The following PCLO variants were observed in gnomAD, a reference collection of about 807,000 sequenced individuals.
PCLO encodes the protein protein piccolo.
PCLO carries 82 observed loss-of-function variants against 427.5 expected under a neutral mutation model. The observed-to-expected ratio is 0.19, with a 90% confidence interval of 0.16 to 0.23. The LOEUF (loss-of-function observed/expected upper bound fraction) is 0.23. PCLO is among the 10% of genes least tolerant of loss of function. The pLI is 1.00. For synonymous variants in PCLO, 2,357 were observed against 2,155.4 expected (o/e 1.09, Z -2.59); for missense variants, 6,239 against 6,115.9 (o/e 1.02, Z -0.67).
chr7:83,000,082 C>A (rs1787779085), intron 3 of PCLO, among the ~76,000 whole-genome samples: 1 of 149,164 alleles, frequency 6.7e-6, no homozygotes, highest in South Asian at 2.1e-4. Flanking sequence ...CCAACAAAAT[C>A]ATTAACTAGG....
At chr7:83,004,844 T>C (rs1293502117) in intron 3 of PCLO, among the ~76,000 whole-genome samples, 3 of 151,550 alleles carry the variant, frequency 2.0e-5, no homozygotes, top group African/African-American at 4.8e-5. Flanking sequence ...ACACATAACC[T>C]AATTTTAAAA....
Position 82,914,849 on chromosome 7 carries a change from T to C in PCLO, c.13137A>G (p.Gly4379=). 1 of 1,613,394 alleles carries C rather than the reference T, an allele frequency of 6.2e-7. No individual in the cohort carries two copies. Among genetic ancestry groups the C allele is most frequent in the Non-Finnish European group, 8.5e-7 (1 of 1,179,704 alleles). ...TGTCTGCAGATATTGGTGGCAGGGG[T>C]CCAGCTGCAGCCCTGGCCATTCCCA... is the stretch of plus-strand genomic sequence containing the variant. The part of the protein sequence containing the change: ...QPMGMARAAA[G]PLPPISADTR... Residue 4379 remains glycine (G), a synonymous_variant, in exon 7 of 25, where the codon GGA becomes GGG. Transcript: ENST00000333891.
intron 3 of PCLO, among the ~76,000 whole-genome samples, chr7:83,048,822 T>A (rs1333963320): frequency 6.6e-6 from 1 of 152,162 alleles, no homozygotes; most frequent in Non-Finnish European, 1.5e-5. Context: ...TATTCCTTTA[T>A]GTTTTTTCAA....
At chr7:83,062,651 C>T (rs1376058167) in intron 3 of PCLO, among the ~76,000 whole-genome samples, 1 of 152,116 alleles carries the variant, frequency 6.6e-6, no homozygotes, top group African/African-American at 2.4e-5. Context: ...CAATACCACC[C>T]TATTTAACAT....
chr7:83,024,194 T>C (rs962548770), intron 3 of PCLO, among the ~76,000 whole-genome samples: 2 of 152,152 alleles, frequency 1.3e-5, no homozygotes, highest in African/African-American at 2.4e-5. Flanking sequence ...TCTGAGGTAC[T>C]GGGTTCATCT....
rs547424249 is a variant in PCLO, at chr7:83,023,488, T to A, written c.3301-57001A>T. On this transcript the variant is annotated intron_variant, in intron 3 of 24. Coordinates refer to ENST00000333891, the MANE Select transcript of PCLO (RefSeq NM_033026.6). ...GTACATTGCCAAGTATATGACATTT[T>A]GATTGGGAATTAGAGAACCATCAAA... 8.4e-3 allele frequency among the ~76,000 whole-genome samples: 1,274 copies of A among 152,318 alleles called. 13 individuals carry two copies. Among genetic ancestry groups the A allele is most frequent in the African/African-American group, 0.029 (1,206 of 41,566 alleles).
rs1339261973 is a variant in PCLO, at chr7:82,892,456, C to T, written c.13528+10195G>A. On this transcript the variant is annotated intron_variant, in intron 9 of 24. Coordinates refer to ENST00000333891, the MANE Select transcript of PCLO (RefSeq NM_033026.6). ...ATGGATTAAAGACGTGCATGTTAGA[C>T]CTAAAACCATAATAATCCCAGCAGA... 7.2e-5 allele frequency among the ~76,000 whole-genome samples: 11 copies of T among 152,214 alleles called. No individual in the cohort carries two copies. The East Asian group carries it at 1.9e-3, about 27-fold the overall frequency.
At chr7:82,984,432 G>GTA (rs1796214622) in intron 3 of PCLO, among the ~76,000 whole-genome samples, 1 of 151,244 alleles carries the variant, frequency 6.6e-6, no homozygotes, top group African/African-American at 2.4e-5. Context: ...GTGTGTGTGT[G>GTA]TGTGTGTGTG....
intron 3 of PCLO, among the ~76,000 whole-genome samples, chr7:83,125,847 T>C (rs947358194): frequency 1.5e-4 from 22 of 150,338 alleles, no homozygotes; most frequent in African/African-American, 5.4e-4. Context: ...CCCTGCCAAA[T>C]CCCCCTCTCC....
chr7:83,069,741 C>T (rs1789758852), intron 3 of PCLO, among the ~76,000 whole-genome samples: 1 of 150,660 alleles, frequency 6.6e-6, no homozygotes, highest in Non-Finnish European at 1.5e-5. Flanking sequence ...TCTTTATATT[C>T]TTGGCTCTTC....
intron 6 of PCLO, among the ~76,000 whole-genome samples, chr7:82,928,396 C>T (rs371408349): frequency 3.9e-5 from 6 of 151,944 alleles, no homozygotes; most frequent in Non-Finnish European, 7.4e-5. Flanking sequence ...TAACAGTGTC[C>T]ATTCACTTCA....
At chr7:83,038,050 TC>T (rs1788863610) in intron 3 of PCLO, among the ~76,000 whole-genome samples, 2 of 42,506 alleles carry the variant, frequency 4.7e-5, no homozygotes, top group African/African-American at 1.9e-4. Flanking sequence ...TATATATATA[TC>T]TTTATATATA....
intron 3 of PCLO, among the ~76,000 whole-genome samples, chr7:83,094,459 G>A (rs766930297): frequency 1.3e-4 from 20 of 151,986 alleles, no homozygotes; most frequent in African/African-American, 3.1e-4. Flanking sequence ...CGCCTGCCTC[G>A]GCCTCCCAAA....
rs1404100856 is a variant in PCLO at position 82,955,026 on chromosome 7, C to T, written c.5927G>A (p.Arg1976Lys). ...CATAAATCCATTTTCTTCTTCTTGC[C>T]TTGTTAGCAGACTGCCATCTACCGA... ...NGSVDGSLLT[R>K]QEEENGFMQQ... The change falls in exon 5 of 25, where the codon AGG becomes AAG. Residue 1976 changes from arginine (R) to lysine (K), a missense_variant. By Grantham distance (26) the Arg-to-Lys change is conservative. Around this residue, in one of 5 missense-constraint regions of PCLO, gnomAD observed 4,677 missense variants for 4,468.4 expected, o/e 1.05. Coordinates refer to ENST00000333891, the MANE Select transcript of PCLO (RefSeq NM_033026.6). 1 of 1,613,756 alleles carries T rather than the reference C, an allele frequency of 6.2e-7. No homozygotes were observed. Among genetic ancestry groups the T allele is most frequent in the Admixed American group, 1.7e-5 (1 of 60,012 alleles).
intron 3 of PCLO, among the ~76,000 whole-genome samples, chr7:83,038,548 G>C (rs529580617): frequency 2.6e-5 from 4 of 151,794 alleles, no homozygotes; most frequent in African/African-American, 4.8e-5. Context: ...CTATGCTTTT[G>C]CTTGTGTAAG....
chr7:82,770,896 C>A (rs1048493151), intron 22 of PCLO, among the ~76,000 whole-genome samples: 1 of 151,798 alleles, frequency 6.6e-6, no homozygotes, highest in African/African-American at 2.4e-5. Flanking sequence ...TTTACAAAGG[C>A]TATATTAAAG....
chr7:83,155,937 G>A lies in PCLO; in HGVS notation c.704C>T (p.Thr235Ile), dbSNP rs1027224532. The change falls in exon 2 of 25, where the codon ACT becomes ATT. Residue 235 changes from threonine to isoleucine, a missense_variant. By Grantham distance (89) the Thr-to-Ile change is moderately conservative. Coordinates refer to ENST00000333891, the MANE Select transcript of PCLO (RefSeq NM_033026.6). The part of the protein sequence containing the change: ...PGRDPLQQDG[T>I]PKSISSQQPE... ...TTGTTGAGAAGATATTGATTTGGGA[G>A]TGCCATCCTGCTGAAGCGGATCCCT... 6.2e-7 allele frequency: 1 copy of A among 1,613,756 alleles called. No individual in the cohort carries two copies. Among genetic ancestry groups the A allele is most frequent in the Non-Finnish European group, 8.5e-7 (1 of 1,179,860 alleles).
At chr7:83,077,542 T>C (rs1053387123) in intron 3 of PCLO, among the ~76,000 whole-genome samples, 1 of 152,078 alleles carries the variant, frequency 6.6e-6, no homozygotes, top group East Asian at 1.9e-4. Flanking sequence ...TCATGCCAAG[T>C]TTAAAAAATG....
chr7:83,005,427 G>C (rs1787922329), intron 3 of PCLO, among the ~76,000 whole-genome samples: 1 of 151,598 alleles, frequency 6.6e-6, no homozygotes, highest in African/African-American at 2.4e-5. Context: ...TGAAAAAGAT[G>C]GGGAGAGGTT....
Sources: gnomAD v4.1 joint callset for allele counts (sites outside exome capture counted in the v4.1 genomes callset) on GRCh38, gnomAD v4.1.1 for gene constraint, gnomAD v4.1.1 regional missense constraint, MANE v1.5 for transcripts, NCBI Gene and HGNC (gene_info 2026-07-23, HGNC 2026-07-21) for gene names.